The following USP34 variants were observed in gnomAD, a reference collection of about 807,000 sequenced individuals.
USP34 encodes ubiquitin carboxyl-terminal hydrolase 34.
In USP34, 70 loss-of-function variants were observed where a neutral mutation model predicts 460.3. That is an observed-to-expected ratio of 0.15 (90% CI 0.13 to 0.19). The LOEUF is 0.19. Among genes scored for constraint, USP34 ranks in the 10% least tolerant of loss-of-function variants. The pLI is 1.00. For missense variants in USP34, 3,985 were observed against 4,236.2 expected, an observed-to-expected ratio of 0.94 and a Z score of 1.65; for synonymous variants, 1,647 against 1,405.3, an observed-to-expected ratio of 1.17 and a Z score of -3.85.
chr2:61,397,782 C>T (rs1285840298), intron 3 of USP34, among the ~76,000 whole-genome samples: 1 of 152,040 alleles, frequency 6.6e-6, no homozygotes, highest in Non-Finnish European at 1.5e-5. Context: ...ACCTGTAGTC[C>T]CAGCTCCTCG....
intron 10 of USP34, among the ~76,000 whole-genome samples, chr2:61,353,967 A>T (rs921879509): frequency 6.6e-6 from 1 of 152,222 alleles, no homozygotes; most frequent in African/African-American, 2.4e-5. Context: ...AGGACAACTG[A>T]AATTATCAAG....
At chr2:61,431,625 T>C (rs576141405) in intron 1 of USP34, among the ~76,000 whole-genome samples, 1 of 152,084 alleles carries the variant, frequency 6.6e-6, no homozygotes, top group South Asian at 2.1e-4. Flanking sequence ...GGAGGCCAAG[T>C]GGGTGGAATA....
At chr2:61,445,960 AG>A (rs1695103214) in intron 1 of USP34, among the ~76,000 whole-genome samples, 1 of 151,642 alleles carries the variant, frequency 6.6e-6, no homozygotes, top group Admixed American at 6.6e-5. Flanking sequence ...AAAAAAAAAA[AG>A]TAATTAGTCT....
intron 44 of USP34, among the ~76,000 whole-genome samples, chr2:61,259,378 TG>T (rs1432318865): frequency 6.6e-6 from 1 of 152,032 alleles, no homozygotes; most frequent in African/African-American, 2.4e-5. Context: ...ACACCTAATT[TG>T]TTTCCCTCCA....
At chr2:61,209,013 G>T in intron 69 of USP34, 36 bp from the exon 70 acceptor site, 2 of 1,362,662 alleles carry the variant, frequency 1.5e-6, no homozygotes, top group Non-Finnish European at 2.0e-6. Context: ...TGAGAAGTCT[G>T]AATAAGAACA....
chr2:61,433,989 T>C (rs1029671438), intron 1 of USP34, among the ~76,000 whole-genome samples: 2 of 152,106 alleles, frequency 1.3e-5, no homozygotes, highest in African/African-American at 4.8e-5. Context: ...CAGACCACAC[T>C]TCAAGCCAAA....
At chr2:61,270,573 T>C (rs1689182964) in intron 41 of USP34, among the ~76,000 whole-genome samples, 1 of 152,134 alleles carries the variant, frequency 6.6e-6, no homozygotes, top group South Asian at 2.1e-4. Context: ...GTAGCTGTGA[T>C]TACGGGTATG....
chr2:61,227,021 A>G, intron 62 of USP34, 46 bp downstream of exon 62: 1 of 1,547,908 alleles, frequency 6.5e-7, no homozygotes. Flanking sequence ...TGTAAAAATA[A>G]TAAAACCAAA....
At chr2:61,441,634 C>A (rs2593625) in intron 1 of USP34, among the ~76,000 whole-genome samples, 2 of 151,092 alleles carry the variant, frequency 1.3e-5, no homozygotes, top group Admixed American at 1.3e-4. Context: ...CACAGAAATG[C>A]GTAAGTGCCA....
At chr2:61,297,237 A>G (rs974368323) in intron 29 of USP34, among the ~76,000 whole-genome samples, 2 of 152,242 alleles carry the variant, frequency 1.3e-5, no homozygotes, top group Non-Finnish European at 2.9e-5. Context: ...ACAAATTTCA[A>G]TATGACAATC....
chr2:61,427,458 C>G (rs1270130086), intron 1 of USP34, among the ~76,000 whole-genome samples: 1 of 152,162 alleles, frequency 6.6e-6, no homozygotes, highest in Non-Finnish European at 1.5e-5. Context: ...TCAACGCCAT[C>G]CAGGAAAACA....
chr2:61,368,766 A>G (rs1448937003), intron 10 of USP34, among the ~76,000 whole-genome samples: 1 of 152,196 alleles, frequency 6.6e-6, no homozygotes, highest in Non-Finnish European at 1.5e-5. Context: ...GGGAGAAACT[A>G]AAGGAGAATT....
At chr2:61,437,932 A>G (rs1227147798) in intron 1 of USP34, among the ~76,000 whole-genome samples, 1 of 152,060 alleles carries the variant, frequency 6.6e-6, no homozygotes, top group East Asian at 1.9e-4. Flanking sequence ...TTTACAGAAG[A>G]ATGAATACCA....
chr2:61,279,719 C>T (rs1296243493), intron 39 of USP34, among the ~76,000 whole-genome samples: 1 of 152,182 alleles, frequency 6.6e-6, no homozygotes, highest in African/African-American at 2.4e-5. Context: ...CCGCCTCGGC[C>T]TCCCAAAGTG....
intron 57 of USP34, among the ~76,000 whole-genome samples, chr2:61,235,094 T>A (rs1234298814): frequency 6.6e-6 from 1 of 152,186 alleles, no homozygotes; most frequent in Non-Finnish European, 1.5e-5. Flanking sequence ...TCTTGTGTCC[T>A]CACAACTCGC....
At chr2:61,250,084 C>A (rs1016012958) in intron 48 of USP34, 1 of 156,016 alleles carries the variant, frequency 6.4e-6, no homozygotes. Context: ...CATGTCTCCA[C>A]TAAAAATATA....
At chr2:61,407,475 G>T (rs1693911459) in intron 2 of USP34, among the ~76,000 whole-genome samples, 5 of 152,184 alleles carry the variant, frequency 3.3e-5, no homozygotes, top group African/African-American at 1.2e-4. Context: ...TTTATAATCT[G>T]CACCCAGTAA....
At chr2:61,365,385 C>T (rs1030233368) in intron 10 of USP34, among the ~76,000 whole-genome samples, 4 of 151,524 alleles carry the variant, frequency 2.6e-5, no homozygotes, top group African/African-American at 4.9e-5. Context: ...AAACAGAACA[C>T]AAAAACCCTC....
chr2:61,442,686 G>C (rs752001763), intron 1 of USP34, among the ~76,000 whole-genome samples: 1 of 152,134 alleles, frequency 6.6e-6, no homozygotes, highest in East Asian at 1.9e-4. Context: ...AGCCACTATA[G>C]AGAACAGTAT....
Sources: allele counts gnomAD v4.1 joint callset (sites outside exome capture counted in the v4.1 genomes callset), GRCh38; gene constraint gnomAD v4.1.1; transcripts MANE v1.5; gene names NCBI Gene and HGNC (gene_info 2026-07-23, HGNC 2026-07-21).